Variants in GNG4 observed in about 807,000 individuals in gnomAD.
The protein encoded by GNG4 is guanine nucleotide-binding protein G(I)/G(S)/G(O) subunit gamma-4.
Under a neutral mutation model 5.8 loss-of-function variants are expected in GNG4, and 4 were observed. The observed-to-expected ratio is 0.69, with a 90% CI of 0.34 to 1.57. The LOEUF is 1.57. Ranked by LOEUF, GNG4 falls within the 40% of genes most tolerant of loss-of-function variation. The probability of loss-of-function intolerance (pLI) is 0.06; values close to 1 mark genes in which losing one functional copy is unlikely to be tolerated. For missense variants in GNG4, 96 were observed against 95.1 expected (o/e 1.01, Z -0.04); for synonymous variants, 29 against 32.9 (o/e 0.88, Z 0.41).
At chr1:235,616,267 T>C (rs1193359363) in intron 1 of GNG4, 1 of 485,070 alleles carries the variant, frequency 2.1e-6, no homozygotes. Flanking sequence ...CTGAGACGAA[T>C]GAGGTCTGCC....
intron 1 of GNG4, among the ~76,000 whole-genome samples, chr1:235,596,881 C>A (rs190555408): frequency 2.6e-4 from 40 of 152,072 alleles, no homozygotes; most frequent in African/African-American, 9.6e-4. Flanking sequence ...CACTACCATG[C>A]CTGGCTAATT....
intron 3 of GNG4, among the ~76,000 whole-genome samples, chr1:235,555,766 A>C (rs1354215345): frequency 6.6e-6 from 1 of 152,080 alleles, no homozygotes; most frequent in East Asian, 1.9e-4. Context: ...TGATGTTTTG[A>C]TACGTGTATA....
chr1:235,625,969 A>G (rs1037740713), intron 1 of GNG4, among the ~76,000 whole-genome samples: 3 of 152,206 alleles, frequency 2.0e-5, no homozygotes, highest in African/African-American at 4.8e-5. Flanking sequence ...TTGCTATAGC[A>G]TATGGGAAGA....
At chr1:235,585,965 T>G (rs140857205) in intron 2 of GNG4, among the ~76,000 whole-genome samples, 24 of 152,234 alleles carry the variant, frequency 1.6e-4, no homozygotes, top group African/African-American at 5.3e-4. Context: ...TTAGAATTTT[T>G]AAGAAATTTT....
chr1:235,633,139 A>G (rs1390997205), intron 1 of GNG4, among the ~76,000 whole-genome samples: 1 of 152,236 alleles, frequency 6.6e-6, no homozygotes, highest in Non-Finnish European at 1.5e-5. Flanking sequence ...GATACTTTCC[A>G]GGAAAAACGA....
chr1:235,558,543 G>A (rs1240539548), intron 3 of GNG4, among the ~76,000 whole-genome samples: 1 of 152,162 alleles, frequency 6.6e-6, no homozygotes, highest in African/African-American at 2.4e-5. Flanking sequence ...TGCTCCTTCC[G>A]CTGAGAGGGA....
At chr1:235,608,800 C>T (rs1052987910) in intron 1 of GNG4, among the ~76,000 whole-genome samples, 1 of 151,982 alleles carries the variant, frequency 6.6e-6, no homozygotes, top group African/African-American at 2.4e-5. Context: ...CCTCCTGCCT[C>T]AGCCTCCTGA....
chr1:235,598,676 G>A (rs553721929), intron 1 of GNG4, among the ~76,000 whole-genome samples: 1 of 151,488 alleles, frequency 6.6e-6, no homozygotes, highest in East Asian at 1.9e-4. Context: ...GGCCCTTTAA[G>A]CCACAATCTC....
intron 1 of GNG4, among the ~76,000 whole-genome samples, chr1:235,613,337 C>T (rs757419617): frequency 6.6e-6 from 1 of 152,164 alleles, no homozygotes; most frequent in Non-Finnish European, 1.5e-5. Flanking sequence ...AGAATAATGG[C>T]TTCCCAAAGT....
rs1657353812 is a variant in GNG4, at chr1:235,642,240, G to T, written c.-123+7422C>A. Reference sequence around the variant, plus strand: ...GAGCCTTGGCCCCGCTCCCGTGCAGGTGTCGCGGGTAAGCTGCCGCGGTTA... The same window carrying T: ...GAGCCTTGGCCCCGCTCCCGTGCAGTTGTCGCGGGTAAGCTGCCGCGGTTA... On this transcript the variant is annotated intron_variant, in intron 1 of 3. Transcript: ENST00000391854. This position sits in a 1 kb window ranked among gnomAD's most constrained non-coding sequence, Gnocchi z 4.3. Among the ~76,000 whole-genome samples, 1 of 152,240 alleles carries T rather than the reference G, an allele frequency of 6.6e-6. No individual in the cohort carries two copies. The highest frequency in any genetic ancestry group is 6.5e-5 in the Admixed American group (1 of 15,284).
intron 3 of GNG4, among the ~76,000 whole-genome samples, chr1:235,582,427 A>G (rs1687661443): frequency 1.3e-5 from 2 of 152,216 alleles, no homozygotes; most frequent in Non-Finnish European, 1.5e-5. Flanking sequence ...GCCATAGCTC[A>G]CAACTCTGAG....
chr1:235,612,534 G>A (rs1251859902), intron 1 of GNG4, among the ~76,000 whole-genome samples: 1 of 152,052 alleles, frequency 6.6e-6, no homozygotes, highest in Non-Finnish European at 1.5e-5. Context: ...AAATTGGGTA[G>A]GTTTTTTGGA....
intron 3 of GNG4, among the ~76,000 whole-genome samples, chr1:235,570,872 G>A (rs1687319756): frequency 1.4e-5 from 2 of 147,716 alleles, no homozygotes; most frequent in Admixed American, 1.3e-4. Context: ...ATGTGTGTGT[G>A]TGTGTGTGTA....
At chr1:235,590,180 T>A (rs1376879317) in intron 2 of GNG4, among the ~76,000 whole-genome samples, 1 of 151,472 alleles carries the variant, frequency 6.6e-6, no homozygotes, top group Non-Finnish European at 1.5e-5. Flanking sequence ...AGAGGCTGGG[T>A]GTGGTGGCTC....
intron 1 of GNG4, among the ~76,000 whole-genome samples, chr1:235,646,732 A>G (rs1414248833): frequency 6.6e-6 from 1 of 152,158 alleles, no homozygotes. Context: ...TCTGTCTACC[A>G]ATTTCCAGCA....
At chr1:235,566,932 GT>G (rs1228108955) in intron 3 of GNG4, 3 of 149,724 alleles carry the variant, frequency 2.0e-5, no homozygotes, top group African/African-American at 7.7e-5. Context: ...CTTGAAAGCA[GT>G]TTTTTTAAAG....
At chr1:235,598,692 G>C (rs930736988) in intron 1 of GNG4, among the ~76,000 whole-genome samples, 1 of 151,598 alleles carries the variant, frequency 6.6e-6, no homozygotes, top group Non-Finnish European at 1.5e-5. Flanking sequence ...ATCTCTGGGG[G>C]AGGACTGAGG....
At chr1:235,570,394 C>CTT (rs11459490) in intron 3 of GNG4, among the ~76,000 whole-genome samples, 2,206 of 105,506 alleles carry the variant, frequency 0.021, 132 homozygotes, top group African/African-American at 0.057. Flanking sequence ...TTCACCTCTT[C>CTT]TTTTTTTTTT....
chr1:235,562,610 A>T (rs1052627741), intron 3 of GNG4, among the ~76,000 whole-genome samples: 1 of 148,418 alleles, frequency 6.7e-6, no homozygotes, highest in Non-Finnish European at 1.5e-5. Context: ...GCACCACTGC[A>T]CTCCAGCTTG....
Sources: gnomAD v4.1 joint callset for allele counts (sites outside exome capture counted in the v4.1 genomes callset) on GRCh38, gnomAD v4.1.1 for gene constraint, Gnocchi (gnomAD v3.1) non-coding constraint, MANE v1.5 for transcripts, NCBI Gene and HGNC (gene_info 2026-07-23, HGNC 2026-07-21) for gene names.